The following SCG5 variants were observed in gnomAD, a reference collection of about 807,000 sequenced individuals.
SCG5 encodes secretogranin V.
SCG5 carries 18 observed loss-of-function variants against 25.7 expected under a neutral mutation model. The observed-to-expected ratio is 0.70, with a 90% CI of 0.48 to 1.04. SCG5 has a LOEUF of 1.04. SCG5 is among the 50% of genes least tolerant of loss of function. The pLI is 0.00. For synonymous variants in SCG5, 101 were observed against 91.7 expected (o/e 1.10, Z -0.58); for missense variants, 206 against 259.8 (o/e 0.79, Z 1.42).
intron 2 of SCG5, among the ~76,000 whole-genome samples, chr15:32,673,905 G>C (rs1333514058): frequency 1.3e-5 from 2 of 152,058 alleles, no homozygotes; most frequent in Non-Finnish European, 2.9e-5. Flanking sequence ...ATTTTTAGTA[G>C]AAATGGGGTT....
At position 32,643,715 on chromosome 15, in the gene SCG5, G is replaced by C; in HGVS notation, c.123G>C (p.Gln41His). 1 of 1,613,946 alleles carries C rather than the reference G, an allele frequency of 6.2e-7. No individual in the cohort carries two copies. Among genetic ancestry groups the C allele is most frequent in the Non-Finnish European group, 8.5e-7 (1 of 1,179,858 alleles). Residue 41 changes from glutamine (Q) to histidine (H), a missense_variant, in exon 2 of 6, where the codon CAG (glutamine) becomes CAC (histidine). Coordinates refer to ENST00000300175, the MANE Select transcript of SCG5 (RefSeq NM_001144757.3). ...ACCGGGTCTCAGAAGCAGATATCCA[G>C]AGGCTGCTTCATGGTGTTATGGAGC... ...TPDRVSEADI[Q>H]RLLHGVMEQL... is the part of the protein sequence containing the mutation.
chr15:32,657,209 A>ATATATATATATATATATATATG, intron 2 of SCG5, among the ~76,000 whole-genome samples: 735 of 38,680 alleles, frequency 0.019, 159 homozygotes, highest in African/African-American at 0.036. Flanking sequence ...GTATATATAT[A>ATATATATATATATATATATATG]TATGTATGTA....
At chr15:32,655,063 C>T (rs1461629927) in intron 2 of SCG5, among the ~76,000 whole-genome samples, 1 of 152,168 alleles carries the variant, frequency 6.6e-6, no homozygotes, top group Non-Finnish European at 1.5e-5. Context: ...AATCCCAGCA[C>T]TTTGGGAGGC....
chr15:32,674,067 C>T (rs193052738), intron 2 of SCG5, among the ~76,000 whole-genome samples: 3 of 152,286 alleles, frequency 2.0e-5, no homozygotes, highest in African/African-American at 7.2e-5. Context: ...TCTGAGAATA[C>T]ACTGTTACAA....
intron 2 of SCG5, among the ~76,000 whole-genome samples, chr15:32,661,334 T>G (rs2054213798): frequency 6.6e-6 from 1 of 152,178 alleles, no homozygotes. Flanking sequence ...AGAAAATGTC[T>G]CCAGGCCAGG....
Position 32,643,761 on chromosome 15 carries a change from C to T in SCG5, c.169C>T (p.Arg57Ter), listed in dbSNP as rs750372565. 16 of 1,613,788 alleles carry T rather than the reference C, an allele frequency of 9.9e-6. No individual in the cohort carries two copies. Among genetic ancestry groups the T allele is most frequent in the Middle Eastern group, 1.7e-4 (1 of 6,056 alleles). ...GGAGCAATTGGGCATTGCCAGGCCC[C>T]GAGTGGAATATCCAGCTCACCAGGC... ...VMEQLGIARP[R>*]VEYPAHQAMN... The change falls in exon 2 of 6, where the codon CGA becomes TGA. Residue 57 changes from arginine to a stop codon, truncating the protein, a stop_gained. Coordinates refer to ENST00000300175, the MANE Select transcript of SCG5 (RefSeq NM_001144757.3). LOFTEE classifies it high-confidence loss of function.
chr15:32,648,977 T>C (rs529587026), intron 2 of SCG5, among the ~76,000 whole-genome samples: 13 of 152,288 alleles, frequency 8.5e-5, no homozygotes, highest in East Asian at 5.8e-4. Flanking sequence ...TTCACCGTGT[T>C]AGCCTCCTGA....
intron 2 of SCG5, among the ~76,000 whole-genome samples, chr15:32,659,198 C>A (rs182949968): frequency 6.8e-4 from 102 of 149,304 alleles, no homozygotes; most frequent in Middle Eastern, 3.5e-3. Flanking sequence ...ACAAAAAAAA[C>A]CAAAAAAACT....
At chr15:32,660,194 CAG>C (rs2140523064) in intron 2 of SCG5, among the ~76,000 whole-genome samples, 1 of 152,260 alleles carries the variant, frequency 6.6e-6, no homozygotes, top group African/African-American at 2.4e-5. Flanking sequence ...TTTTTACAGT[CAG>C]AGTTTTGGTG....
chr15:32,686,376 T>G (rs1449976216), intron 4 of SCG5, among the ~76,000 whole-genome samples: 1 of 152,116 alleles, frequency 6.6e-6, no homozygotes, highest in African/African-American at 2.4e-5. Flanking sequence ...GGGGAGTCAT[T>G]TCAGTTATGA....
intron 2 of SCG5, chr15:32,677,425 T>C (rs146591063): frequency 1.3e-5 from 2 of 152,316 alleles, no homozygotes; most frequent in East Asian, 1.9e-4. Flanking sequence ...CTACTGAATA[T>C]ATTAACATTT....
intron 2 of SCG5, among the ~76,000 whole-genome samples, chr15:32,667,128 T>C (rs1328692911): frequency 6.6e-6 from 1 of 152,086 alleles, no homozygotes; most frequent in Non-Finnish European, 1.5e-5. Flanking sequence ...TTTCACTATT[T>C]CTTTTTACTT....
At chr15:32,676,031 T>C (rs2054524951) in intron 2 of SCG5, among the ~76,000 whole-genome samples, 1 of 152,234 alleles carries the variant, frequency 6.6e-6, no homozygotes, top group Non-Finnish European at 1.5e-5. Flanking sequence ...ATAACCTAAA[T>C]ATTATAATGA....
chr15:32,673,550 G>GTGTGTGTGTA lies in SCG5; in HGVS notation c.227-6207_227-6206insATGTGTGTGT, dbSNP rs746297864. 2.1e-3 allele frequency among the ~76,000 whole-genome samples: 316 copies of GTGTGTGTGTA among 151,618 alleles called. 1 individual carries two copies. The highest frequency in any genetic ancestry group is 3.1e-3 in the Non-Finnish European group (210 of 67,890). On this transcript the variant is annotated intron_variant, in intron 2 of 5. Coordinates refer to ENST00000300175, the MANE Select transcript of SCG5 (RefSeq NM_001144757.3). ...CCCGTGTGTGTGTGTGTGTGTGTGT[G>GTGTGTGTGTA]TGTGTGTGTGTGTTGTGCGGGGGAG... is the stretch of plus-strand genomic sequence containing the variant.
At chr15:32,692,554 A>T (rs148464120) in intron 5 of SCG5, among the ~76,000 whole-genome samples, 1 of 152,304 alleles carries the variant, frequency 6.6e-6, no homozygotes, top group Non-Finnish European at 1.5e-5. Context: ...CTGGCCACCT[A>T]CCTCCTTCTT....
At chr15:32,681,423 T>C (rs980199325) in intron 3 of SCG5, among the ~76,000 whole-genome samples, 10 of 152,088 alleles carry the variant, frequency 6.6e-5, no homozygotes, top group African/African-American at 2.4e-4. Context: ...CACCAGGACA[T>C]ACTGCCTTGC....
At chr15:32,661,083 T>C (rs532213646) in intron 2 of SCG5, among the ~76,000 whole-genome samples, 2 of 152,384 alleles carry the variant, frequency 1.3e-5, no homozygotes, top group Admixed American at 6.5e-5. Flanking sequence ...TTATGTATTG[T>C]ATTTTGCCCT....
chr15:32,692,326 A>AT (rs1045125392), intron 5 of SCG5: 2 of 969,964 alleles, frequency 2.1e-6, no homozygotes, highest in African/African-American at 3.5e-5. Flanking sequence ...TGTCTGTTGA[A>AT]TTTACTGCAG....
intron 2 of SCG5, among the ~76,000 whole-genome samples, chr15:32,648,076 A>C (rs927497792): frequency 6.6e-6 from 1 of 152,108 alleles, no homozygotes; most frequent in African/African-American, 2.4e-5. Context: ...TTCGATCCTG[A>C]TTTCTCAAAC....
Sources: gnomAD v4.1 joint callset for allele counts (sites outside exome capture counted in the v4.1 genomes callset) on GRCh38, gnomAD v4.1.1 for gene constraint, MANE v1.5 for transcripts, NCBI Gene and HGNC (gene_info 2026-07-23, HGNC 2026-07-21) for gene names.